ASB18: variants seen among roughly 807,000 people sequenced by gnomAD.
The protein encoded by ASB18 is ankyrin repeat and SOCS box protein 18.
ASB18 carries 33 observed loss-of-function variants against 33.4 expected under a neutral mutation model. That is an observed-to-expected ratio of 0.99 (90% confidence interval 0.75 to 1.32). The LOEUF is 1.32. Ranked by LOEUF, ASB18 falls within the 40% of genes most tolerant of loss-of-function variation. ASB18 has a pLI of 0.00. For missense variants in ASB18, 694 were observed against 655.5 expected, an observed-to-expected ratio of 1.06 and a Z score of -0.64; for synonymous variants, 295 against 307.6, an observed-to-expected ratio of 0.96 and a Z score of 0.43.
chr2:236,195,094 C>G lies in ASB18; in HGVS notation c.1216-37G>C, dbSNP rs371398377. 1 of 1,577,466 alleles carries G rather than the reference C, an allele frequency of 6.3e-7. No homozygotes were observed. The highest frequency in any genetic ancestry group is 1.7e-5 in the Admixed American group (1 of 58,108). ...GGCAGGTGGATTAGAAATCTGGGCA[C>G]GTGGAACCAACATACGTTTTCTTCT... On this transcript the variant is annotated intron_variant, in intron 5 of 5. Coordinates refer to ENST00000409749, the MANE Select transcript of ASB18 (RefSeq NM_212556.4). The surrounding 1 kb of genome is among the most constrained non-coding windows in gnomAD (Gnocchi z 5.5).
intron 1 of ASB18, among the ~76,000 whole-genome samples, chr2:236,243,529 G>GT (rs1164840976): frequency 1.3e-5 from 2 of 152,046 alleles, no homozygotes; most frequent in East Asian, 3.9e-4. Context: ...AAATGACCAG[G>GT]TTCCAGATAA....
rs1244038829 is a variant in ASB18, at chr2:236,204,464, G to A, written c.1102-8079C>T. On this transcript the variant is annotated intron_variant, in intron 4 of 5. Transcript: ENST00000409749. The surrounding 1 kb of genome is among the most constrained non-coding windows in gnomAD (Gnocchi z 5.1). Reference sequence around the variant, plus strand: ...GCATTCAGGCCTGTTCCTCTTTTCCGTTTACTCTCACTTGCTGGTGATCTT... The same window carrying A: ...GCATTCAGGCCTGTTCCTCTTTTCCATTTACTCTCACTTGCTGGTGATCTT... 6.6e-5 allele frequency among the ~76,000 whole-genome samples: 10 copies of A among 151,990 alleles called. No individual in the cohort carries two copies. The highest frequency in any genetic ancestry group is 8.8e-5 in the Non-Finnish European group (6 of 68,022).
chr2:236,212,630 A>G (rs920679333), intron 4 of ASB18, among the ~76,000 whole-genome samples: 10 of 151,378 alleles, frequency 6.6e-5, no homozygotes, highest in African/African-American at 2.4e-4. Flanking sequence ...TTCTCTTTTC[A>G]TTCCTTTTTT....
In ASB18 at chr2:236,245,345, ACTGGGACTCAC is replaced by A. The variant is rs2060639837; in HGVS notation, c.206-3954_206-3944del. Among the ~76,000 whole-genome samples the A allele has an allele frequency of 1.3e-5, 2 of 152,146 alleles. No homozygotes were observed. The highest frequency in any genetic ancestry group is 4.1e-4 in the South Asian group (2 of 4,832). On this transcript the variant is annotated intron_variant, in intron 1 of 5. Transcript: ENST00000409749. This position sits in a 1 kb window ranked among gnomAD's most constrained non-coding sequence, Gnocchi z 4.7. Reference sequence around the variant, plus strand: ...CTTGATGTCATTTGCAGGTGAGGAAACTGGGACTCACAGATTCAGTTACCTTTCTCAAGATT... The same window carrying A: ...CTTGATGTCATTTGCAGGTGAGGAAAAGATTCAGTTACCTTTCTCAAGATT...
In ASB18 at chr2:236,256,913, C is replaced by T. The variant is rs918820610; in HGVS notation, c.205+7228G>A. ...AAAAAAGAGCCTAGGGTGTGTGTCT[C>T]GTAGAAAGCAAAGAAACATTTTAAT... On this transcript the variant is annotated intron_variant, in intron 1 of 5. Transcript: ENST00000409749. The surrounding 1 kb of genome is among the most constrained non-coding windows in gnomAD (Gnocchi z 4.7). Among the ~76,000 whole-genome samples the T allele has an allele frequency of 1.3e-5, 2 of 151,826 alleles. No homozygotes were observed. The highest frequency in any genetic ancestry group is 2.1e-4 in the South Asian group (1 of 4,778).
At chr2:236,197,877 C>A (rs2060381768) in intron 4 of ASB18, among the ~76,000 whole-genome samples, 1 of 151,332 alleles carries the variant, frequency 6.6e-6, no homozygotes, top group African/African-American at 2.4e-5. Flanking sequence ...AGGGGCAGGG[C>A]AATTTCATAG....
rs1272899788 is a variant in ASB18, at chr2:236,225,540, A to T, written c.597-10674T>A. Among the ~76,000 whole-genome samples the T allele has an allele frequency of 6.6e-6, 1 of 152,230 alleles. No homozygotes were observed. Among genetic ancestry groups the T allele is most frequent in the Non-Finnish European group, 1.5e-5 (1 of 68,048 alleles). ...TTTGTTTAAATCGAGACAGCTATAG[A>T]CAAGAAAAAGAATAGGGCGTCAACA... On this transcript the variant is annotated intron_variant, in intron 3 of 5. Transcript: ENST00000409749. This position sits in a 1 kb window ranked among gnomAD's most constrained non-coding sequence, Gnocchi z 5.1.
Position 236,259,620 on chromosome 2 carries a change from C to G in ASB18, c.205+4521G>C, listed in dbSNP as rs1189989909. 1 of 470,364 alleles carries G rather than the reference C, an allele frequency of 2.1e-6. No homozygotes were observed. The highest frequency in any genetic ancestry group is 4.4e-6 in the Non-Finnish European group (1 of 226,696). 29.1% of individuals were successfully genotyped at this position (470,364 alleles called of 1,614,324 possible). On this transcript the variant is annotated intron_variant, in intron 1 of 5. Coordinates refer to ENST00000409749, the MANE Select transcript of ASB18 (RefSeq NM_212556.4). The surrounding 1 kb of genome is among the most constrained non-coding windows in gnomAD (Gnocchi z 4.4). ...CAAAGGTGAGCAGAGGAGGTGCAGC[C>G]CTGGCTGGGAGGATCCTGTTGGGAT...
rs1250162500 is a variant in ASB18, at chr2:236,231,815, C to T, written c.596+5874G>A. 6.6e-6 allele frequency among the ~76,000 whole-genome samples: 1 copy of T among 152,126 alleles called. No individual in the cohort carries two copies. Among genetic ancestry groups the T allele is most frequent in the Non-Finnish European group, 1.5e-5 (1 of 68,034 alleles). ...AGTTCTTCAAAAGGACAGAATAATG[C>T]TAAGCATTTATGTACCTAATAATAG... On this transcript the variant is annotated intron_variant, in intron 3 of 5. Coordinates refer to ENST00000409749, the MANE Select transcript of ASB18 (RefSeq NM_212556.4). This position sits in a 1 kb window ranked among gnomAD's most constrained non-coding sequence, Gnocchi z 5.5.
rs1364389255 is a variant in ASB18, at chr2:236,226,188, A to C, written c.597-11322T>G. ...CTATTAACTTTTTATCCTTCAAGGT[A>C]GTTGGCTGTGTTATTGTAGAGGTGT... On this transcript the variant is annotated intron_variant, in intron 3 of 5. Transcript: ENST00000409749. This position sits in a 1 kb window ranked among gnomAD's most constrained non-coding sequence, Gnocchi z 4.8. Among the ~76,000 whole-genome samples, 1 of 152,238 alleles carries C rather than the reference A, an allele frequency of 6.6e-6. No individual in the cohort carries two copies. Among genetic ancestry groups the C allele is most frequent in the Non-Finnish European group, 1.5e-5 (1 of 68,046 alleles).
At position 236,239,303 on chromosome 2, in the gene ASB18, G is replaced by T. The variant is rs749016380; in HGVS notation, c.329-1347C>A. Among the ~76,000 whole-genome samples, 1 of 148,042 alleles carries T rather than the reference G, an allele frequency of 6.8e-6. No homozygotes were observed. Among genetic ancestry groups the T allele is most frequent in the Non-Finnish European group, 1.5e-5 (1 of 67,044 alleles). ...CAACCCAGCCCCACCCTACCCTAGC[G>T]CTCAGTAAACCCACCCTGGATTCCT... On this transcript the variant is annotated intron_variant, in intron 2 of 5. Transcript: ENST00000409749. The surrounding 1 kb of genome is among the most constrained non-coding windows in gnomAD (Gnocchi z 5.6).
chr2:236,235,651 G>A lies in ASB18; in HGVS notation c.596+2038C>T, dbSNP rs1295619266. ...AAAGCAACTGGAACATGCAGACATC[G>A]CTGGTGCGGATGTAAAATGGTACAA... On this transcript the variant is annotated intron_variant, in intron 3 of 5. Transcript: ENST00000409749. The surrounding 1 kb of genome is among the most constrained non-coding windows in gnomAD (Gnocchi z 6.2). 1.3e-5 allele frequency among the ~76,000 whole-genome samples: 2 copies of A among 152,204 alleles called. No individual in the cohort carries two copies. The highest frequency in any genetic ancestry group is 6.5e-5 in the Admixed American group (1 of 15,278).
In ASB18 at chr2:236,241,415, C is replaced by A; in HGVS notation, c.206-13G>T. The A allele has an allele frequency of 6.2e-7, 1 of 1,613,936 alleles. No individual in the cohort carries two copies. The highest frequency in any genetic ancestry group is 8.5e-7 in the Non-Finnish European group (1 of 1,179,854). ...TGGTCGAGGTCCCCTGCGACCAGGG[C>A]AGTGTGGTACTCCTGCACCGGGGAC... On this transcript the variant is annotated splice_polypyrimidine_tract_variant and intron_variant, in intron 1 of 5. Coordinates refer to ENST00000409749, the MANE Select transcript of ASB18 (RefSeq NM_212556.4). The surrounding 1 kb of genome is among the most constrained non-coding windows in gnomAD (Gnocchi z 4.2).
At chr2:236,254,074 T>A (rs1189882491) in intron 1 of ASB18, 1 of 152,136 alleles carries the variant, frequency 6.6e-6, no homozygotes, top group Non-Finnish European at 1.5e-5. Flanking sequence ...ATTTTGCAGG[T>A]CATATGGTCT....
In ASB18 at chr2:236,219,397, G is replaced by C. The variant is rs193057837; in HGVS notation, c.597-4531C>G. On this transcript the variant is annotated intron_variant, in intron 3 of 5. Transcript: ENST00000409749. This position sits in a 1 kb window ranked among gnomAD's most constrained non-coding sequence, Gnocchi z 6.4. ...CTAAGAATATCCCTTTGGCTTTCCA[G>C]GTTCCCAGAATACGCTTGAAATTTC... Among the ~76,000 whole-genome samples, 3 of 152,306 alleles carry C rather than the reference G, an allele frequency of 2.0e-5. No homozygotes were observed. The highest frequency in any genetic ancestry group is 7.2e-5 in the African/African-American group (3 of 41,558).
Position 236,241,612 on chromosome 2 carries a change from C to A in ASB18, c.206-210G>T. 2 of 666,456 alleles carry A rather than the reference C, an allele frequency of 3.0e-6. No homozygotes were observed. The highest frequency in any genetic ancestry group is 3.5e-5 in the South Asian group (2 of 57,310). The allele number at this position is 666,456 out of a possible 1,614,324, so 41.3% of individuals were successfully genotyped here. ...ATTTCTATTGTCATTACTCAATTGT[C>A]ATCCAGTTGGGGCTCGATGGTGGTA... is the stretch of plus-strand genomic sequence containing the variant. On this transcript the variant is annotated intron_variant, in intron 1 of 5. Coordinates refer to ENST00000409749, the MANE Select transcript of ASB18 (RefSeq NM_212556.4). This position sits in a 1 kb window ranked among gnomAD's most constrained non-coding sequence, Gnocchi z 4.2.
rs904367165 is a variant in ASB18, at chr2:236,229,741, T to G, written c.596+7948A>C. Reference sequence around the variant, plus strand: ...CTGTAATCCCAGCTATCTGGGAGGCTGAGGCAGGAGAATCATGTGAATCCG... The same window carrying G: ...CTGTAATCCCAGCTATCTGGGAGGCGGAGGCAGGAGAATCATGTGAATCCG... On this transcript the variant is annotated intron_variant, in intron 3 of 5. Transcript: ENST00000409749. The surrounding 1 kb of genome is among the most constrained non-coding windows in gnomAD (Gnocchi z 5.2). Among the ~76,000 whole-genome samples the G allele has an allele frequency of 6.6e-6, 1 of 152,100 alleles. No homozygotes were observed. Among genetic ancestry groups the G allele is most frequent in the Non-Finnish European group, 1.5e-5 (1 of 68,024 alleles).
rs1205941982 is a variant in ASB18, at chr2:236,214,488, G to A, written c.975C>T (p.Gly325=). The change falls in exon 4 of 6, where the codon GGC becomes GGT. Residue 325 remains glycine (G), a synonymous_variant. Transcript: ENST00000409749. This position sits in a 1 kb window ranked among gnomAD's most constrained non-coding sequence, Gnocchi z 6.5. ...GCACGCGGCCCAGCGGCGAGGCCCC[G>A]CCATAGTCGAGCGCGCCCGCGTCGG... ...HGADAGALDY[G]GASPLGRVLQ... The A allele has an allele frequency of 3.3e-6, 5 of 1,508,546 alleles. No individual in the cohort carries two copies. The highest frequency in any genetic ancestry group is 1.5e-5 in the African/African-American group (1 of 68,810). 93.4% of individuals were successfully genotyped at this position (1,508,546 alleles called of 1,614,324 possible).
At position 236,220,422 on chromosome 2, in the gene ASB18, G is replaced by A. The variant is rs1160587110; in HGVS notation, c.597-5556C>T. Among the ~76,000 whole-genome samples the A allele has an allele frequency of 6.6e-6, 1 of 152,186 alleles. No homozygotes were observed. The highest frequency in any genetic ancestry group is 2.4e-5 in the African/African-American group (1 of 41,440). On this transcript the variant is annotated intron_variant, in intron 3 of 5. Coordinates refer to ENST00000409749, the MANE Select transcript of ASB18 (RefSeq NM_212556.4). This position sits in a 1 kb window ranked among gnomAD's most constrained non-coding sequence, Gnocchi z 5.1. ...CCAGATACCTCTTCTCTCAGCCAGA[G>A]CCTGTCCAGGCTTCCACTCTCTCGT...
Sources: allele counts gnomAD v4.1 joint callset (sites outside exome capture counted in the v4.1 genomes callset), GRCh38; gene constraint gnomAD v4.1.1; non-coding constraint Gnocchi (gnomAD v3.1); transcripts MANE v1.5; gene names NCBI Gene and HGNC (gene_info 2026-07-23, HGNC 2026-07-21).